Variants in ITGB6 observed in about 807,000 individuals in gnomAD.
ITGB6 encodes the protein integrin subunit beta 6.
Under a neutral mutation model 84.5 loss-of-function variants are expected in ITGB6, and 80 were observed. The observed-to-expected ratio is 0.95, with a 90% confidence interval of 0.79 to 1.14. The LOEUF (loss-of-function observed/expected upper bound fraction) is 1.14, where lower values mean the gene tolerates loss of function less well. Among genes scored for constraint, ITGB6 ranks in the 50% most tolerant of loss-of-function variants. ITGB6 has a pLI of 0.00. For missense variants in ITGB6, 1,006 were observed against 968.0 expected (o/e 1.04, Z -0.52); for synonymous variants, 383 against 354.9 (o/e 1.08, Z -0.89).
At position 160,108,214 on chromosome 2, in the gene ITGB6, A is replaced by AGTGTGTGTGTGTGTGT. The variant is rs57363305; in HGVS notation, c.2102-385_2102-370dup. Among the ~76,000 whole-genome samples, 721 of 142,792 alleles carry AGTGTGTGTGTGTGTGT rather than the reference A, an allele frequency of 5.0e-3. 9 individuals carry two copies. The highest frequency in any genetic ancestry group is 0.01 in the East Asian group (50 of 4,914). 93.7% of individuals were successfully genotyped at this position (142,792 alleles called of 152,430 possible). ...TGAGTTCACGATAAAGCAGAAATGGAGTGTGTGTGTGTGTGTGTGTGTGTG... is the reference window on the plus strand; with the variant it reads ...TGAGTTCACGATAAAGCAGAAATGGAGTGTGTGTGTGTGTGTGTGTGTGTGTGTGTGTGTGTGTGTG... On this transcript the variant is annotated intron_variant, in intron 13 of 14. Coordinates refer to ENST00000283249, the MANE Select transcript of ITGB6 (RefSeq NM_000888.5).
intron 7 of ITGB6, among the ~76,000 whole-genome samples, chr2:160,153,427 A>T (rs564682539): frequency 1.1e-4 from 17 of 152,358 alleles, no homozygotes; most frequent in African/African-American, 3.1e-4. Flanking sequence ...CACCTTATAC[A>T]AAAATTAATT....
At position 160,157,424 on chromosome 2, in the gene ITGB6, G is replaced by A. The variant is rs193078965; in HGVS notation, c.1017+11788C>T. Among the ~76,000 whole-genome samples the A allele has an allele frequency of 3.1e-3, 476 of 152,234 alleles. 2 individuals carry two copies. The highest frequency in any genetic ancestry group is 5.2e-3 in the Non-Finnish European group (353 of 68,002). On this transcript the variant is annotated intron_variant, in intron 7 of 14. Coordinates refer to ENST00000283249, the MANE Select transcript of ITGB6 (RefSeq NM_000888.5). ...TTGCCCAGTCACAGATGTAATACAT[G>A]GTAGAAATAGGTGTTGACTGTATAG...
chr2:160,194,516 GGCAAATA>G (rs750628857), intron 4 of ITGB6, among the ~76,000 whole-genome samples: 3 of 151,786 alleles, frequency 2.0e-5, no homozygotes, highest in Non-Finnish European at 4.4e-5. Flanking sequence ...TGTGGCCCTG[GGCAAATA>G]GCTAATCTCT....
chr2:160,170,114 AATATGTTAATTATGACATAAGTAAC>A (rs568043107), intron 6 of ITGB6, among the ~76,000 whole-genome samples: 2 of 152,202 alleles, frequency 1.3e-5, no homozygotes, highest in African/African-American at 4.8e-5. Flanking sequence ...TTAAATTAAG[AATATGTTAATTATGACATAAGTAAC>A]ATATGTTAAT....
rs1490234134 is a variant in ITGB6 at position 160,195,540 on chromosome 2, A to T, written c.422T>A (p.Leu141His). 2 of 1,613,956 alleles carry T rather than the reference A, an allele frequency of 1.2e-6. No individual in the cohort carries two copies. Among genetic ancestry groups the T allele is most frequent in the Non-Finnish European group, 1.7e-6 (2 of 1,179,954 alleles). ...GAGGTCGTCATCCATGGAGGCGGAG[A>T]GGTCCATGAGGTAATACAAATCCAC... ...YPVDLYYLMD[L>H]SASMDDDLNT... Residue 141 changes from leucine (L) to histidine (H), a missense_variant, in exon 4 of 15, where the codon CTC becomes CAC. Coordinates refer to ENST00000283249, the MANE Select transcript of ITGB6 (RefSeq NM_000888.5).
In ITGB6 at chr2:160,174,123, A is replaced by G. The variant is rs1559197571; in HGVS notation, c.610T>C (p.Cys204Arg). The change falls in exon 5 of 15, where the codon TGT (cysteine) becomes CGT (arginine). Residue 204 changes from cysteine to arginine, a missense_variant. By Grantham distance (180) the Cys-to-Arg change is radical. Transcript: ENST00000283249. Reference protein sequence around the residue: ...ANPCSSIPYFCLPTFGFKHIL... With the variant: ...ANPCSSIPYFRLPTFGFKHIL... ...TGCTTGAATCCAAATGTAGGTAAAC[A>G]GAAGTATGGAATACTACTGCAAAAG... 1.2e-6 allele frequency: 2 copies of G among 1,607,776 alleles called. No individual in the cohort carries two copies. The highest frequency in any genetic ancestry group is 1.7e-5 in the Admixed American group (1 of 58,122).
In ITGB6 at chr2:160,142,038, C is replaced by T. The variant is rs1684018529; in HGVS notation, c.1051G>A (p.Gly351Ser). 1 of 1,607,960 alleles carries T rather than the reference C, an allele frequency of 6.2e-7. No individual in the cohort carries two copies. Among genetic ancestry groups the T allele is most frequent in the South Asian group, 1.1e-5 (1 of 90,184 alleles). ...YAKLIPGATV[G>S]LLQKDSGNIL... ...TTTCCGGAGTCCTTCTGAAGTAGAC[C>T]TACTGTAGCTCCAGGAATAAGTTTT... The change falls in exon 8 of 15, where the codon GGT becomes AGT. Residue 351 changes from glycine to serine, a missense_variant. Physicochemically the swap from Gly to Ser is moderately conservative, Grantham distance 56 (BLOSUM62 0). Coordinates refer to ENST00000283249, the MANE Select transcript of ITGB6 (RefSeq NM_000888.5).
intron 10 of ITGB6, among the ~76,000 whole-genome samples, chr2:160,137,142 A>T (rs1683769190): frequency 6.6e-6 from 1 of 152,116 alleles, no homozygotes; most frequent in African/African-American, 2.4e-5. Context: ...TTCATATAAC[A>T]GGCACTTTTG....
intron 11 of ITGB6, among the ~76,000 whole-genome samples, chr2:160,125,262 G>A (rs7602804): frequency 0.038 from 5,724 of 152,244 alleles, 300 homozygotes; most frequent in African/African-American, 0.12. Flanking sequence ...ATGAATACAT[G>A]CATGAATAAA....
At chr2:160,118,492 T>C (rs2105789802) in intron 12 of ITGB6, among the ~76,000 whole-genome samples, 1 of 152,156 alleles carries the variant, frequency 6.6e-6, no homozygotes, top group South Asian at 2.1e-4. Flanking sequence ...TCTCAATAAA[T>C]TAGGTATTGA....
intron 12 of ITGB6, among the ~76,000 whole-genome samples, chr2:160,112,633 G>A (rs1166662020): frequency 1.3e-5 from 2 of 151,974 alleles, no homozygotes; most frequent in Non-Finnish European, 2.9e-5. Flanking sequence ...TTCTCACAAC[G>A]ACATAGTCAA....
In ITGB6 at chr2:160,195,365, T is replaced by A. The variant is rs768198966; in HGVS notation, c.593+4A>T. The A allele has an allele frequency of 1.9e-6, 3 of 1,614,004 alleles. No individual in the cohort carries two copies. In the East Asian group the frequency reaches 6.7e-5, roughly 36 times the overall value. On this transcript the variant is annotated splice_donor_region_variant and intron_variant, in intron 4 of 14. Transcript: ENST00000283249. ...CAAAGATGCCAAGAGAATCATTTAC[T>A]TACCTGCAAGGGTTGGCAATTTCTT...
At position 160,155,861 on chromosome 2, in the gene ITGB6, C is replaced by T. The variant is rs962429375; in HGVS notation, c.1017+13351G>A. ...CATCAGGAATCTCTAGAGAAATATA[C>T]ATTAAAACCACAATGAGATGCCACT... On this transcript the variant is annotated intron_variant, in intron 7 of 14. Transcript: ENST00000283249. Among the ~76,000 whole-genome samples the T allele has an allele frequency of 2.6e-5, 4 of 152,172 alleles. No homozygotes were observed. The East Asian group carries it at 7.7e-4, about 29-fold the overall frequency.
chr2:160,200,006 G>A lies in ITGB6; in HGVS notation c.58C>T (p.Gln20Ter). The A allele has an allele frequency of 6.2e-7, 1 of 1,612,638 alleles. No individual in the cohort carries two copies. Among genetic ancestry groups the A allele is most frequent in the South Asian group, 1.1e-5 (1 of 91,030 alleles). The part of the protein sequence containing the change: ...FLFLGRNDHV[Q>*]GGCALGGAET... Reference sequence around the variant, plus strand: ...TATCAGAGAACGCAGGTCTTACCTTGTACGTGATCATTCCTTCCTAGAAAT... The same window carrying A: ...TATCAGAGAACGCAGGTCTTACCTTATACGTGATCATTCCTTCCTAGAAAT... The change falls in exon 1 of 15, where the codon CAA becomes TAA. Residue 20 changes from glutamine (Q) to a stop codon, truncating the protein, a stop_gained. Transcript: ENST00000283249. LOFTEE classifies it high-confidence loss of function.
At chr2:160,111,669 T>C (rs1253674311) in intron 13 of ITGB6, among the ~76,000 whole-genome samples, 8 of 143,026 alleles carry the variant, frequency 5.6e-5, no homozygotes, top group African/African-American at 7.9e-5. Flanking sequence ...AACCTACACC[T>C]CCCAGGCTCA....
intron 12 of ITGB6, among the ~76,000 whole-genome samples, chr2:160,119,903 G>A (rs1467168080): frequency 6.6e-6 from 1 of 152,106 alleles, no homozygotes; most frequent in Admixed American, 6.5e-5. Flanking sequence ...GCAGCCAAAA[G>A]ACACATGAAA....
intron 4 of ITGB6, among the ~76,000 whole-genome samples, chr2:160,180,506 A>G (rs1426512898): frequency 1.3e-5 from 2 of 152,144 alleles, no homozygotes. Context: ...TTTGTTATAT[A>G]GGTAAATTGT....
chr2:160,181,705 C>T (rs1685681762), intron 4 of ITGB6, among the ~76,000 whole-genome samples: 1 of 152,232 alleles, frequency 6.6e-6, no homozygotes. Flanking sequence ...AGACACATCC[C>T]AGCAGGGATC....
chr2:160,145,047 T>C (rs953259477), intron 7 of ITGB6, among the ~76,000 whole-genome samples: 1 of 152,248 alleles, frequency 6.6e-6, no homozygotes, highest in African/African-American at 2.4e-5. Context: ...TGTAGTATTA[T>C]GATTACTGTA....
Sources: gnomAD v4.1 joint callset for allele counts (sites outside exome capture counted in the v4.1 genomes callset) on GRCh38, gnomAD v4.1.1 for gene constraint, MANE v1.5 for transcripts, NCBI Gene and HGNC (gene_info 2026-07-23, HGNC 2026-07-21) for gene names.